Variants in TRIM25 observed in about 807,000 individuals in gnomAD.
TRIM25 encodes tripartite motif containing 25.
Under a neutral mutation model 65.2 loss-of-function variants are expected in TRIM25, and 45 were observed. The observed-to-expected ratio is 0.69, with a 90% confidence interval of 0.54 to 0.89. The LOEUF (loss-of-function observed/expected upper bound fraction) is 0.89. TRIM25 is among the 40% of genes least tolerant of loss of function. The probability of loss-of-function intolerance (pLI) is 0.00; values close to 1 mark genes in which losing one functional copy is unlikely to be tolerated. For missense variants in TRIM25, 714 were observed against 803.7 expected, an observed-to-expected ratio of 0.89 and a Z score of 1.35; for synonymous variants, 321 against 340.4, an observed-to-expected ratio of 0.94 and a Z score of 0.63.
chr17:56,913,834 T>C lies in TRIM25; in HGVS notation c.155A>G (p.Gln52Arg). 6.4e-7 allele frequency: 1 copy of C among 1,562,678 alleles called. No homozygotes were observed. Among genetic ancestry groups the C allele is most frequent in the African/African-American group, 1.4e-5 (1 of 73,674 alleles). ...AVQGSPYLCP[Q>R]CRAVYQARPQ... is the part of the protein sequence containing the mutation. Reference sequence around the variant, plus strand: ...TCGCGCCTGGTAGACGGCGCGGCACTGCGGGCACAGGTATGGCGAGCCCTG... The same window carrying C: ...TCGCGCCTGGTAGACGGCGCGGCACCGCGGGCACAGGTATGGCGAGCCCTG... The change falls in exon 1 of 9, where the codon CAG (glutamine) becomes CGG (arginine). Residue 52 changes from glutamine to arginine, a missense_variant. Coordinates refer to ENST00000316881, the MANE Select transcript of TRIM25 (RefSeq NM_005082.5). The surrounding 1 kb of genome is among the most constrained non-coding windows in gnomAD (Gnocchi z 6.1).
intron 8 of TRIM25, among the ~76,000 whole-genome samples, chr17:56,894,785 G>T (rs553768441): frequency 2.0e-5 from 3 of 152,350 alleles, no homozygotes; most frequent in East Asian, 1.9e-4. Context: ...GGGCCAGGGG[G>T]TCTTGGGAAA....
At chr17:56,905,001 G>A (rs932454327) in intron 2 of TRIM25, among the ~76,000 whole-genome samples, 1 of 152,204 alleles carries the variant, frequency 6.6e-6, no homozygotes, top group Admixed American at 6.5e-5. Flanking sequence ...AAACGCATGG[G>A]AATGAATAAA....
intron 8 of TRIM25, among the ~76,000 whole-genome samples, chr17:56,894,070 C>T (rs535689360): frequency 6.6e-6 from 1 of 152,270 alleles, no homozygotes; most frequent in South Asian, 2.1e-4. Flanking sequence ...CCCAGGATTC[C>T]AACACGCAGC....
At chr17:56,903,166 C>T (rs1274899555) in intron 3 of TRIM25, among the ~76,000 whole-genome samples, 2 of 152,252 alleles carry the variant, frequency 1.3e-5, no homozygotes, top group East Asian at 3.9e-4. Context: ...TTTGGGAGGC[C>T]GAGGTGGGTG....
At chr17:56,908,592 T>C (rs1295130294) in intron 1 of TRIM25, 29 bp from the exon 2 acceptor site, 1 of 1,605,158 alleles carries the variant, frequency 6.2e-7, no homozygotes, top group South Asian at 1.1e-5. Context: ...AGGTTGAGAA[T>C]GCACCTCTTC....
At position 56,891,858 on chromosome 17, in the gene TRIM25, C is replaced by G; in HGVS notation, c.1735G>C (p.Val579Leu). The G allele has an allele frequency of 1.9e-6, 3 of 1,614,254 alleles. No individual in the cohort carries two copies. Residue 579 changes from valine to leucine, a missense_variant, in exon 9 of 9, where the codon GTG becomes CTG. Physicochemically the swap from Val to Leu is conservative, Grantham distance 32. This residue lies in a region of TRIM25 where 413 missense variants were observed against 498.2 expected (regional missense o/e 0.83). Coordinates refer to ENST00000316881, the MANE Select transcript of TRIM25 (RefSeq NM_005082.5). ...LPSTKATRVG[V>L]LLNCDHGFVI... ...AAGCCGTGGTCACAGTTGAGAAGCA[C>G]GCCCACCCGCGTGGCCTTGGTGGAG...
chr17:56,897,938 G>A (rs1909325890), intron 5 of TRIM25, among the ~76,000 whole-genome samples: 1 of 152,158 alleles, frequency 6.6e-6, no homozygotes, highest in South Asian at 2.1e-4. Context: ...GTTCCATTCG[G>A]GGACCGATAC....
chr17:56,909,546 G>A (rs1456802501), intron 1 of TRIM25, among the ~76,000 whole-genome samples: 4 of 152,076 alleles, frequency 2.6e-5, no homozygotes, highest in Admixed American at 6.6e-5. Context: ...TTAGCCAGGT[G>A]TGGTGGTGCA....
Position 56,913,962 on chromosome 17 carries a change from C to A in TRIM25, c.27G>T (p.Glu9Asp). Residue 9 changes from glutamate to aspartate, a missense_variant, in exon 1 of 9, where the codon GAG becomes GAT. By Grantham distance (45) the Glu-to-Asp change is conservative (BLOSUM62 2). Coordinates refer to ENST00000316881, the MANE Select transcript of TRIM25 (RefSeq NM_005082.5). The surrounding 1 kb of genome is among the most constrained non-coding windows in gnomAD (Gnocchi z 6.1). MAELCPLAEELSCSICLEP... is the reference protein window; with the variant it reads MAELCPLADELSCSICLEP... ...CCAGGCAGATGGAGCACGACAGCTC[C>A]TCGGCCAGGGGGCACAGCTCTGCCA... 1 of 1,580,584 alleles carries A rather than the reference C, an allele frequency of 6.3e-7. No individual in the cohort carries two copies. The highest frequency in any genetic ancestry group is 8.6e-7 in the Non-Finnish European group (1 of 1,161,474).
chr17:56,898,862 A>C, intron 5 of TRIM25: 4 of 467,182 alleles, frequency 8.6e-6, no homozygotes, highest in Non-Finnish European at 1.6e-5. Flanking sequence ...GGACTTGGGT[A>C]TAGTAAATAT....
In TRIM25 at chr17:56,912,458, T is replaced by G. The variant is rs145125889; in HGVS notation, c.597+934A>C. 1.7e-4 allele frequency among the ~76,000 whole-genome samples: 26 copies of G among 152,244 alleles called. 1 individual carries two copies. The East Asian group carries it at 5.0e-3, about 29-fold the overall frequency. ...TCTCCCTGTGGCTCTGATCCAGTGATTACTGGGACGCTGCCCACCCTCCCT... is the reference window on the plus strand; with the variant it reads ...TCTCCCTGTGGCTCTGATCCAGTGAGTACTGGGACGCTGCCCACCCTCCCT... On this transcript the variant is annotated intron_variant, in intron 1 of 8. Transcript: ENST00000316881.
rs1053401254 is a variant in TRIM25, at chr17:56,889,679, C to T, written c.*2021G>A. On this transcript the variant is annotated 3_prime_UTR_variant, in exon 9 of 9. Transcript: ENST00000316881. The stretch of plus-strand genomic sequence containing the variant: ...AGGGAAGTGGCCTCACTGTTGCCCT[C>T]ATTTCTGCAGAAGAGAGCCAGAGCA... The T allele has an allele frequency of 5.0e-6, 2 of 398,398 alleles. No homozygotes were observed. The highest frequency in any genetic ancestry group is 8.8e-6 in the Non-Finnish European group (2 of 226,038). 24.7% of individuals were successfully genotyped at this position (398,398 alleles called of 1,614,324 possible).
intron 1 of TRIM25, chr17:56,908,913 C>A (rs1909573249): frequency 4.6e-6 from 1 of 217,586 alleles, no homozygotes; most frequent in African/African-American, 2.2e-5. Context: ...TGTAAGTACT[C>A]AGCCCAATGC....
At chr17:56,896,626 G>T (rs1011902991) in intron 5 of TRIM25, among the ~76,000 whole-genome samples, 1 of 147,590 alleles carries the variant, frequency 6.8e-6, no homozygotes, top group African/African-American at 2.5e-5. Context: ...CTGTGTTCTT[G>T]CCACTGCACT....
chr17:56,912,566 C>T (rs1909650670), intron 1 of TRIM25, among the ~76,000 whole-genome samples: 1 of 152,202 alleles, frequency 6.6e-6, no homozygotes, highest in South Asian at 2.1e-4. Context: ...CCTCAAGCTT[C>T]CTGGACTGTT....
At chr17:56,894,540 G>A (rs533895490) in intron 8 of TRIM25, among the ~76,000 whole-genome samples, 28 of 152,322 alleles carry the variant, frequency 1.8e-4, no homozygotes, top group East Asian at 1.5e-3. Context: ...ATGAGCCACC[G>A]CACCCAGCTA....
chr17:56,902,119 C>T (rs1010626850), intron 3 of TRIM25, among the ~76,000 whole-genome samples: 2 of 152,188 alleles, frequency 1.3e-5, no homozygotes, highest in African/African-American at 4.8e-5. Context: ...GCACTCAGAT[C>T]CTTCGAGAGC....
At position 56,892,189 on chromosome 17, in the gene TRIM25, G is replaced by T. The variant is rs769169800; in HGVS notation, c.1404C>A (p.Asn468Lys). The T allele has an allele frequency of 5.0e-6, 8 of 1,610,778 alleles. No homozygotes were observed. In the East Asian group the frequency reaches 1.6e-4, roughly 31 times the overall value. ...KVILDYNTAHNKVALSECYTV... is the reference protein window; with the variant it reads ...KVILDYNTAHKKVALSECYTV... ...TATAGCACTCTGACAGAGCCACTTT[G>T]TTGTGGGCGGTGTTGTAGTCCAGGA... The change falls in exon 9 of 9, where the codon AAC (asparagine) becomes AAA (lysine). Residue 468 changes from asparagine (N) to lysine (K), a missense_variant. By Grantham distance (94) the Asn-to-Lys change is moderately conservative (BLOSUM62 0). Around this residue, in one of 3 missense-constraint regions of TRIM25, gnomAD observed 413 missense variants for 498.2 expected, o/e 0.83. Transcript: ENST00000316881.
chr17:56,910,159 G>GA (rs535960199), intron 1 of TRIM25, among the ~76,000 whole-genome samples: 198 of 148,940 alleles, frequency 1.3e-3, no homozygotes, highest in Admixed American at 3.3e-3. Context: ...GAGATTTCTA[G>GA]AAAAAAAAAA....
Sources: allele counts gnomAD v4.1 joint callset (sites outside exome capture counted in the v4.1 genomes callset), GRCh38; gene constraint gnomAD v4.1.1; regional missense constraint gnomAD v4.1.1; non-coding constraint Gnocchi (gnomAD v3.1); transcripts MANE v1.5; gene names NCBI Gene and HGNC (gene_info 2026-07-23, HGNC 2026-07-21).